PLCB4: variants seen among roughly 807,000 people sequenced by gnomAD.
PLCB4 encodes phospholipase C beta 4.
A neutral mutation model predicts 178.8 loss-of-function variants in PLCB4; 77 were observed. The ratio of observed to expected loss-of-function variants is 0.43; its 90% CI spans 0.36 to 0.52. The LOEUF (loss-of-function observed/expected upper bound fraction) is 0.52. Ranked by LOEUF, PLCB4 falls within the 20% of genes least tolerant of loss-of-function variation. PLCB4 has a pLI of 0.00. For missense variants in PLCB4, 1,024 were observed against 1,453.4 expected, an observed-to-expected ratio of 0.70 and a Z score of 4.80; for synonymous variants, 496 against 490.8, an observed-to-expected ratio of 1.01 and a Z score of -0.14.
intron 19 of PLCB4, among the ~76,000 whole-genome samples, chr20:9,397,295 T>G (rs968164974): frequency 1.4e-4 from 21 of 152,224 alleles, no homozygotes; most frequent in African/African-American, 5.1e-4. Flanking sequence ...TTCAGCCCCA[T>G]GTTCAGGCTC....
intron 2 of PLCB4, among the ~76,000 whole-genome samples, chr20:9,177,155 T>G (rs2093169207): frequency 6.6e-6 from 1 of 152,150 alleles, no homozygotes; most frequent in Non-Finnish European, 1.5e-5. Context: ...CACAGGTCAT[T>G]GTGACACTAA....
intron 3 of PLCB4, among the ~76,000 whole-genome samples, chr20:9,258,316 G>A (rs2094258358): frequency 6.6e-6 from 1 of 152,122 alleles, no homozygotes; most frequent in Admixed American, 6.5e-5. Context: ...AAGAATTTGA[G>A]TGGACCAGTA....
intron 3 of PLCB4, among the ~76,000 whole-genome samples, chr20:9,288,815 A>T (rs993661495): frequency 1.3e-5 from 2 of 152,078 alleles, no homozygotes; most frequent in African/African-American, 2.4e-5. Flanking sequence ...GCTACTCAAA[A>T]AGGCATATTT....
At chr20:9,320,601 CT>C (rs1163007529) in intron 4 of PLCB4, among the ~76,000 whole-genome samples, 1 of 152,172 alleles carries the variant, frequency 6.6e-6, no homozygotes, top group African/African-American at 2.4e-5. Context: ...TCCAGTGCCT[CT>C]GATTTAAGCA....
At chr20:9,129,602 C>T (rs565714275) in intron 2 of PLCB4, among the ~76,000 whole-genome samples, 8 of 152,212 alleles carry the variant, frequency 5.3e-5, no homozygotes, top group African/African-American at 1.9e-4. Context: ...CTATTTACAC[C>T]CAGGGATACT....
intron 13 of PLCB4, among the ~76,000 whole-genome samples, chr20:9,382,329 A>G (rs1438921354): frequency 6.6e-6 from 1 of 152,160 alleles, no homozygotes; most frequent in Non-Finnish European, 1.5e-5. Context: ...GTGCCCTACA[A>G]TTTATGGTCC....
chr20:9,363,966 C>T (rs561663771), intron 8 of PLCB4, among the ~76,000 whole-genome samples: 4 of 152,314 alleles, frequency 2.6e-5, no homozygotes, highest in Non-Finnish European at 5.9e-5. Flanking sequence ...CCCGGCTTCA[C>T]CATGGCAAAT....
At chr20:9,219,400 C>T (rs1247853654) in intron 3 of PLCB4, among the ~76,000 whole-genome samples, 1 of 152,014 alleles carries the variant, frequency 6.6e-6, no homozygotes, top group Non-Finnish European at 1.5e-5. Flanking sequence ...ACCCAGGAGG[C>T]GGAGCTTGCA....
chr20:9,247,355 A>G (rs1302193759), intron 3 of PLCB4, among the ~76,000 whole-genome samples: 7 of 152,210 alleles, frequency 4.6e-5, no homozygotes, highest in Admixed American at 4.6e-4. Flanking sequence ...GTTTGATTAA[A>G]TATTTTGAGT....
chr20:9,190,999 T>G (rs771192850), intron 2 of PLCB4, among the ~76,000 whole-genome samples: 3 of 152,156 alleles, frequency 2.0e-5, no homozygotes, highest in Non-Finnish European at 4.4e-5. Context: ...CAGTATGAAG[T>G]AATAGTATAG....
At chr20:9,091,199 A>G (rs2090662577) in intron 1 of PLCB4, among the ~76,000 whole-genome samples, 1 of 138,334 alleles carries the variant, frequency 7.2e-6, no homozygotes, top group Non-Finnish European at 1.6e-5. Flanking sequence ...TTTCTAGGTC[A>G]TACAAGTACA....
intron 35 of PLCB4, among the ~76,000 whole-genome samples, chr20:9,463,746 T>C (rs1488988036): frequency 2.0e-5 from 3 of 152,126 alleles, no homozygotes; most frequent in Non-Finnish European, 2.9e-5. Flanking sequence ...TAAATATATA[T>C]GCACCCAATA....
At chr20:9,174,031 A>G (rs2093110967) in intron 2 of PLCB4, among the ~76,000 whole-genome samples, 1 of 152,206 alleles carries the variant, frequency 6.6e-6, no homozygotes, top group South Asian at 2.1e-4. Flanking sequence ...GTATCTAGGT[A>G]TATCTTATTT....
intron 25 of PLCB4, among the ~76,000 whole-genome samples, chr20:9,413,999 G>A (rs1403380835): frequency 1.3e-5 from 2 of 152,196 alleles, no homozygotes; most frequent in Non-Finnish European, 2.9e-5. Context: ...CAATCTGCCT[G>A]CCTTGGCCTC....
chr20:9,162,772 G>A (rs895278996), intron 2 of PLCB4, among the ~76,000 whole-genome samples: 1 of 150,740 alleles, frequency 6.6e-6, no homozygotes, highest in African/African-American at 2.5e-5. Context: ...AGTGCCTCTT[G>A]TGGAGGTGCA....
At chr20:9,341,262 G>A (rs2033158176) in intron 7 of PLCB4, among the ~76,000 whole-genome samples, 1 of 152,052 alleles carries the variant, frequency 6.6e-6, no homozygotes, top group Non-Finnish European at 1.5e-5. Context: ...GTTGGCCCTT[G>A]AACAATGTGG....
intron 2 of PLCB4, among the ~76,000 whole-genome samples, chr20:9,140,254 C>T (rs770222196): frequency 3.3e-5 from 5 of 152,012 alleles, no homozygotes; most frequent in Non-Finnish European, 7.4e-5. Flanking sequence ...GCATGGAACA[C>T]CCTGGATTAA....
chr20:9,394,514 C>T (rs147316444), intron 18 of PLCB4, among the ~76,000 whole-genome samples: 3 of 152,190 alleles, frequency 2.0e-5, no homozygotes, highest in Admixed American at 6.5e-5. Flanking sequence ...AGTATACTTA[C>T]ATCAGCAGGA....
At chr20:9,176,432 G>T (rs1034981696) in intron 2 of PLCB4, among the ~76,000 whole-genome samples, 3 of 152,262 alleles carry the variant, frequency 2.0e-5, no homozygotes, top group South Asian at 4.1e-4. Flanking sequence ...TTTATAAAAT[G>T]GTTGAACTAT....
Sources: allele counts gnomAD v4.1 joint callset (sites outside exome capture counted in the v4.1 genomes callset), GRCh38; gene constraint gnomAD v4.1.1; transcripts MANE v1.5; gene names NCBI Gene and HGNC (gene_info 2026-07-23, HGNC 2026-07-21).